The following SPNS2 variants were observed in gnomAD, a reference collection of about 807,000 sequenced individuals.
The protein encoded by SPNS2 is SPNS lysolipid transporter 2, sphingosine-1-phosphate.
Under a neutral mutation model 57.6 loss-of-function variants are expected in SPNS2, and 37 were observed. The observed-to-expected ratio is 0.64, with a 90% confidence interval of 0.49 to 0.85. The LOEUF (loss-of-function observed/expected upper bound fraction) is 0.85. SPNS2 is among the 40% of genes least tolerant of loss of function. SPNS2 has a pLI of 0.00. For missense variants in SPNS2, 831 were observed against 779.1 expected, an observed-to-expected ratio of 1.07 and a Z score of -0.79; for synonymous variants, 440 against 346.9, an observed-to-expected ratio of 1.27 and a Z score of -2.98.
rs1905818212 is a variant in SPNS2, at chr17:4,536,509, G to A, written c.1607+83G>A. The stretch of plus-strand genomic sequence containing the variant: ...CCACCGTGAGCCCTGCCCTGGGGTG[G>A]GGCGGGGAGGGTACAGACCTCCCAT... On this transcript the variant is annotated intron_variant, in intron 11 of 12. Coordinates refer to ENST00000329078, the MANE Select transcript of SPNS2 (RefSeq NM_001124758.3). 1.1e-5 allele frequency: 17 copies of A among 1,481,236 alleles called. No homozygotes were observed. In the South Asian group the frequency reaches 2.0e-4, roughly 17 times the overall value. The allele number at this position is 1,481,236 out of a possible 1,614,324, so 91.8% of individuals were successfully genotyped here.
chr17:4,524,993 A>T, intron 2 of SPNS2, 64 bp from the exon 3 acceptor site: 1 of 1,587,396 alleles, frequency 6.3e-7, no homozygotes, highest in Non-Finnish European at 8.6e-7. Flanking sequence ...AGCCGGAGTG[A>T]AATGGGCCGG....
chr17:4,535,731 C>T (rs1905747729), intron 9 of SPNS2, among the ~76,000 whole-genome samples: 1 of 151,976 alleles, frequency 6.6e-6, no homozygotes, highest in Non-Finnish European at 1.5e-5. Context: ...GTGCTGGGGG[C>T]ACAGCAGGTT....
rs1263235697 is a variant in SPNS2, at chr17:4,499,088, CGGA to C, written c.53_55del (p.Glu18del). On this transcript the variant is annotated inframe_deletion, in exon 1 of 13. Transcript: ENST00000329078. The surrounding 1 kb of genome is among the most constrained non-coding windows in gnomAD (Gnocchi z 5.2). ...TGCGCCTCGGCGGCGGCGGGCGGCG[CGGA>C]GGAGGAGGAGGCGGACGCGGAGCGG... is the stretch of plus-strand genomic sequence containing the variant. 45 of 1,051,280 alleles carry C rather than the reference CGGA, an allele frequency of 4.3e-5. No individual in the cohort carries two copies. Among genetic ancestry groups the C allele is most frequent in the South Asian group, 2.2e-4 (5 of 22,774 alleles). 65.1% of individuals were successfully genotyped at this position (1,051,280 alleles called of 1,614,324 possible).
Position 4,536,095 on chromosome 17 carries a change from G to A in SPNS2, c.1364G>A (p.Arg455Gln), listed in dbSNP as rs371400985. ...DILMYVVIPT[R>Q]RATAVALQSF... ...CCGCAGTACGTGGTCATCCCCACGC[G>A]GCGCGCCACTGCCGTGGCCTTGCAG... Residue 455 changes from arginine to glutamine, a missense_variant, in exon 10 of 13, where the codon CGG becomes CAG. By Grantham distance (43) the Arg-to-Gln change is conservative. Coordinates refer to ENST00000329078, the MANE Select transcript of SPNS2 (RefSeq NM_001124758.3). 2.4e-5 allele frequency: 38 copies of A among 1,612,010 alleles called. No homozygotes were observed. The East Asian group carries it at 3.6e-4, about 15-fold the overall frequency.
Position 4,537,475 on chromosome 17 carries a change from C to A in SPNS2, c.*27C>A. 2.2e-6 allele frequency: 1 copy of A among 455,976 alleles called. No homozygotes were observed. The highest frequency in any genetic ancestry group is 4.4e-6 in the Non-Finnish European group (1 of 226,358). The allele number at this position is 455,976 out of a possible 1,614,324, so 28.2% of individuals were successfully genotyped here. On this transcript the variant is annotated 3_prime_UTR_variant, in exon 13 of 13. Transcript: ENST00000329078. The stretch of plus-strand genomic sequence containing the variant: ...CAGGTGCCATTGGGACAATGAAGAA[C>A]CCACACTCCCACCTCGTCTGGGAGG...
At chr17:4,507,568 T>C (rs1268209588) in intron 1 of SPNS2, among the ~76,000 whole-genome samples, 1 of 152,234 alleles carries the variant, frequency 6.6e-6, no homozygotes, top group Non-Finnish European at 1.5e-5. Context: ...AGGAGGAAAC[T>C]GGCACAGAGA....
Position 4,499,613 on chromosome 17 carries a change from C to T in SPNS2, c.370+196C>T, listed in dbSNP as rs2144293992. On this transcript the variant is annotated intron_variant, in intron 1 of 12. Transcript: ENST00000329078. This position sits in a 1 kb window ranked among gnomAD's most constrained non-coding sequence, Gnocchi z 5.2. Reference sequence around the variant, plus strand: ...TGCACCACGGGTACAATCCAGCTCCCCGCTCATACACACCCGGGGCCAAGG... The same window carrying T: ...TGCACCACGGGTACAATCCAGCTCCTCGCTCATACACACCCGGGGCCAAGG... 1 of 409,886 alleles carries T rather than the reference C, an allele frequency of 2.4e-6. No individual in the cohort carries two copies. Among genetic ancestry groups the T allele is most frequent in the South Asian group, 8.3e-5 (1 of 12,080 alleles). 25.4% of individuals were successfully genotyped at this position (409,886 alleles called of 1,614,324 possible).
At chr17:4,536,731 C>G in intron 11 of SPNS2, 169 bp from the exon 12 acceptor site, 1 of 660,542 alleles carries the variant, frequency 1.5e-6, no homozygotes, top group Non-Finnish European at 2.7e-6. Flanking sequence ...CTTTACTCCT[C>G]TCTCTCTCCT....
At chr17:4,526,469 G>A (rs1905264494) in intron 3 of SPNS2, among the ~76,000 whole-genome samples, 1 of 152,106 alleles carries the variant, frequency 6.6e-6, no homozygotes, top group African/African-American at 2.4e-5. Context: ...CAGGCATGGT[G>A]GTGCATGCCT....
chr17:4,534,240 C>G (rs1002393565), intron 9 of SPNS2: 1 of 273,592 alleles, frequency 3.7e-6, no homozygotes, highest in African/African-American at 2.2e-5. Context: ...GGCGTGCCTG[C>G]GGCTGGGGCT....
intron 1 of SPNS2, among the ~76,000 whole-genome samples, chr17:4,501,989 G>A (rs962107335): frequency 4.6e-5 from 7 of 152,052 alleles, no homozygotes; most frequent in South Asian, 4.1e-4. Context: ...TCTGGTAGCC[G>A]GACTAAAATA....
rs370530601 is a variant in SPNS2, at chr17:4,530,997, C to G, written c.726-56C>G. ...AGCCTGCCTTGCAGACCAGCGGGCACTCCCTGTCCCCAGCCCCTGTCTCTG... is the reference window on the plus strand; with the variant it reads ...AGCCTGCCTTGCAGACCAGCGGGCAGTCCCTGTCCCCAGCCCCTGTCTCTG... On this transcript the variant is annotated intron_variant, in intron 4 of 12. Transcript: ENST00000329078. 1.5e-3 allele frequency: 2,373 copies of G among 1,596,814 alleles called. 2 individuals carry two copies. Among genetic ancestry groups the G allele is most frequent in the Non-Finnish European group, 1.9e-3 (2,224 of 1,169,224 alleles).
chr17:4,536,193 GGGCTGGCCAGGGCA>G lies in SPNS2; in HGVS notation c.1443+26_1443+39del. On this transcript the variant is annotated intron_variant, in intron 10 of 12. Transcript: ENST00000329078. ...TGGCTTTGTGAGTAGCCCCGGGGTG[GGGCTGGCCAGGGCA>G]GGCTGGGGGACTGCAGGAGGGCTCT... 5 of 1,608,808 alleles carry G rather than the reference GGGCTGGCCAGGGCA, an allele frequency of 3.1e-6. No homozygotes were observed. The highest frequency in any genetic ancestry group is 2.2e-5 in the East Asian group (1 of 44,782).
chr17:4,500,989 C>T (rs758051252), intron 1 of SPNS2, among the ~76,000 whole-genome samples: 5 of 152,108 alleles, frequency 3.3e-5, no homozygotes, highest in South Asian at 2.1e-4. Flanking sequence ...ACCATGCTGC[C>T]GGGGACCTGG....
intron 1 of SPNS2, among the ~76,000 whole-genome samples, chr17:4,506,498 C>T (rs536815656): frequency 6.6e-6 from 1 of 152,270 alleles, no homozygotes; most frequent in East Asian, 1.9e-4. Flanking sequence ...AGTAGCCGTG[C>T]AAAGCCCCCA....
At chr17:4,517,571 G>A (rs1347359176) in intron 2 of SPNS2, among the ~76,000 whole-genome samples, 3 of 152,084 alleles carry the variant, frequency 2.0e-5, no homozygotes, top group African/African-American at 4.8e-5. Context: ...CAGGAGAATC[G>A]CTTGAACCCA....
chr17:4,528,835 G>A (rs1481637090), intron 3 of SPNS2, among the ~76,000 whole-genome samples: 3 of 152,100 alleles, frequency 2.0e-5, no homozygotes, highest in Non-Finnish European at 4.4e-5. Flanking sequence ...ATGCAGTGGT[G>A]TGATCACAGC....
At chr17:4,534,294 G>C (rs954632879) in intron 9 of SPNS2, 31 of 223,324 alleles carry the variant, frequency 1.4e-4, no homozygotes, top group African/African-American at 6.9e-4. Flanking sequence ...ATGGGCTCTA[G>C]CCCAGCCAGC....
chr17:4,515,392 G>A (rs1235370619), intron 2 of SPNS2, among the ~76,000 whole-genome samples: 2 of 152,192 alleles, frequency 1.3e-5, no homozygotes, highest in African/African-American at 2.4e-5. Flanking sequence ...TAGGGACCTG[G>A]GCCTCTGCCT....
Sources: allele counts gnomAD v4.1 joint callset (sites outside exome capture counted in the v4.1 genomes callset), GRCh38; gene constraint gnomAD v4.1.1; non-coding constraint Gnocchi (gnomAD v3.1); transcripts MANE v1.5; gene names NCBI Gene and HGNC (gene_info 2026-07-23, HGNC 2026-07-21).